The following CNKSR3 variants were observed in gnomAD, a reference collection of about 807,000 sequenced individuals.
The protein encoded by CNKSR3 is connector enhancer of kinase suppressor of ras 3.
A neutral mutation model predicts 67.7 loss-of-function variants in CNKSR3; 36 were observed. That is an observed-to-expected ratio of 0.53 (90% CI 0.41 to 0.70). The LOEUF (loss-of-function observed/expected upper bound fraction) is 0.70. CNKSR3 is among the 30% of genes least tolerant of loss of function. The probability of loss-of-function intolerance (pLI) is 0.00; values close to 1 mark genes in which losing one functional copy is unlikely to be tolerated. For missense variants in CNKSR3, 630 were observed against 695.2 expected (o/e 0.91, Z 1.05); for synonymous variants, 281 against 271.4 (o/e 1.04, Z -0.35).
intron 1 of CNKSR3, among the ~76,000 whole-genome samples, chr6:154,455,951 G>A (rs1323921796): frequency 6.6e-6 from 1 of 151,884 alleles, no homozygotes; most frequent in Non-Finnish European, 1.5e-5. Flanking sequence ...AGTGTAGAAA[G>A]GATTATATAC....
intron 1 of CNKSR3, among the ~76,000 whole-genome samples, chr6:154,505,984 G>T (rs181451568): frequency 6.6e-6 from 1 of 152,298 alleles, no homozygotes; most frequent in Admixed American, 6.5e-5. Flanking sequence ...TTTAAATCAA[G>T]CTTAGAGAAA....
chr6:154,422,789 G>C, intron 8 of CNKSR3, 126 bp downstream of exon 8: 2 of 1,157,064 alleles, frequency 1.7e-6, no homozygotes, highest in Non-Finnish European at 2.5e-6. Context: ...GTATGCTCAT[G>C]TTAGCACAAC....
chr6:154,443,322 C>A (rs1039056718), intron 2 of CNKSR3, among the ~76,000 whole-genome samples: 1 of 152,128 alleles, frequency 6.6e-6, no homozygotes, highest in Non-Finnish European at 1.5e-5. Flanking sequence ...GGCCAGATAA[C>A]GCTTGTGGGG....
rs1377951152 is a variant in CNKSR3 at position 154,400,632 on chromosome 6, A to G, written c.*5722T>C. 1.3e-5 allele frequency: 2 copies of G among 152,212 alleles called. No individual in the cohort carries two copies. Among genetic ancestry groups the G allele is most frequent in the African/African-American group, 4.8e-5 (2 of 41,456 alleles). The allele number at this position is 152,212 out of a possible 1,614,324, so 9.4% of individuals were successfully genotyped here. A position where few individuals can be genotyped will look rare whatever the true frequency, so the allele number is the denominator to read the frequency against. On this transcript the variant is annotated 3_prime_UTR_variant, in exon 13 of 13. Transcript: ENST00000607772. Reference sequence around the variant, plus strand: ...TAAGACAAACTTTTGAGTATAAAAAATTTGTCTTTTACATACACAAATGCA... The same window carrying G: ...TAAGACAAACTTTTGAGTATAAAAAGTTTGTCTTTTACATACACAAATGCA...
intron 1 of CNKSR3, among the ~76,000 whole-genome samples, chr6:154,493,435 G>A (rs1455931108): frequency 6.6e-6 from 1 of 152,130 alleles, no homozygotes; most frequent in Non-Finnish European, 1.5e-5. Flanking sequence ...TCAGCTCTCA[G>A]AACAGTGCAT....
chr6:154,428,938 T>A (rs1010796400), intron 6 of CNKSR3, among the ~76,000 whole-genome samples: 2 of 152,202 alleles, frequency 1.3e-5, no homozygotes, highest in African/African-American at 4.8e-5. Context: ...CAGACAAAGA[T>A]ATATGAACAA....
intron 1 of CNKSR3, among the ~76,000 whole-genome samples, chr6:154,489,338 C>T (rs898617662): frequency 1.3e-5 from 2 of 152,176 alleles, no homozygotes; most frequent in African/African-American, 4.8e-5. Context: ...CAAGACTAGT[C>T]TTGGTAACAC....
rs1231658117 is a variant in CNKSR3 at position 154,406,156 on chromosome 6, C to T, written c.*198G>A. 1.0e-5 allele frequency: 6 copies of T among 589,594 alleles called. No homozygotes were observed. Among genetic ancestry groups the T allele is most frequent in the African/African-American group, 9.3e-5 (5 of 53,724 alleles). 36.5% of individuals were successfully genotyped at this position (589,594 alleles called of 1,614,324 possible). On this transcript the variant is annotated 3_prime_UTR_variant, in exon 13 of 13. Transcript: ENST00000607772. Reference sequence around the variant, plus strand: ...TTTCCCTCCTTTTGTCTCCACAAGCCAGCACCTAAGATCCTCTGAATTTGT... The same window carrying T: ...TTTCCCTCCTTTTGTCTCCACAAGCTAGCACCTAAGATCCTCTGAATTTGT...
At chr6:154,481,644 G>A (rs1462452337) in intron 1 of CNKSR3, among the ~76,000 whole-genome samples, 2 of 152,152 alleles carry the variant, frequency 1.3e-5, no homozygotes, top group African/African-American at 4.8e-5. Flanking sequence ...TATGCTGTAT[G>A]ATTTTATGCA....
chr6:154,476,959 C>T (rs1427830559), intron 1 of CNKSR3, among the ~76,000 whole-genome samples: 1 of 152,194 alleles, frequency 6.6e-6, no homozygotes, highest in Non-Finnish European at 1.5e-5. Context: ...TTCATTCCCT[C>T]ATGGGCCCAG....
At chr6:154,423,833 C>G (rs1785197215) in intron 7 of CNKSR3, among the ~76,000 whole-genome samples, 1 of 152,154 alleles carries the variant, frequency 6.6e-6, no homozygotes, top group Non-Finnish European at 1.5e-5. Flanking sequence ...TTTTCATTTT[C>G]AGATTACATT....
At chr6:154,471,744 T>C (rs1786334084) in intron 1 of CNKSR3, among the ~76,000 whole-genome samples, 1 of 152,114 alleles carries the variant, frequency 6.6e-6, no homozygotes, top group Non-Finnish European at 1.5e-5. Flanking sequence ...GACACAGTAG[T>C]TCCCTGTCAC....
rs147961075 is a variant in CNKSR3, at chr6:154,441,046, C to T, written c.507+246G>A. 1.4e-3 allele frequency among the ~76,000 whole-genome samples: 215 copies of T among 151,684 alleles called. 1 individual carries two copies. Among genetic ancestry groups the T allele is most frequent in the African/African-American group, 4.6e-3 (192 of 41,360 alleles). On this transcript the variant is annotated intron_variant, in intron 4 of 12. Transcript: ENST00000607772. ...AGGGGAAGTACAGGAACTATTAGTT[C>T]GCCTATTTTAAAACACACACAAAAA... is the stretch of plus-strand genomic sequence containing the variant.
At chr6:154,418,068 C>T (rs1343546455) in intron 9 of CNKSR3, among the ~76,000 whole-genome samples, 1 of 152,116 alleles carries the variant, frequency 6.6e-6, no homozygotes, top group African/African-American at 2.4e-5. Flanking sequence ...GTCTCACTAC[C>T]GCCACTACCA....
intron 1 of CNKSR3, among the ~76,000 whole-genome samples, chr6:154,484,938 C>T (rs1292368674): frequency 6.6e-6 from 1 of 152,174 alleles, no homozygotes; most frequent in East Asian, 1.9e-4. Context: ...CTGCTACTGA[C>T]CTCCCTGTCT....
Position 154,402,645 on chromosome 6 carries a change from T to C in CNKSR3, c.*3709A>G, listed in dbSNP as rs1034924731. On this transcript the variant is annotated 3_prime_UTR_variant, in exon 13 of 13. Transcript: ENST00000607772. ...CCTCATAGATTTATTAGAAAGGTAT[T>C]AGAACAATGCCAGGCACACAGCAAG... 13 of 152,196 alleles carry C rather than the reference T, an allele frequency of 8.5e-5. No individual in the cohort carries two copies. The highest frequency in any genetic ancestry group is 3.1e-4 in the African/African-American group (13 of 41,452). 9.4% of individuals were successfully genotyped at this position (152,196 alleles called of 1,614,324 possible).
At chr6:154,504,038 T>C (rs112012592) in intron 1 of CNKSR3, among the ~76,000 whole-genome samples, 25 of 152,172 alleles carry the variant, frequency 1.6e-4, no homozygotes, top group Non-Finnish European at 1.5e-5. Flanking sequence ...AGCTTCTGCA[T>C]CTCTAACAAG....
At chr6:154,486,105 G>T (rs1786660121) in intron 1 of CNKSR3, among the ~76,000 whole-genome samples, 1 of 152,154 alleles carries the variant, frequency 6.6e-6, no homozygotes, top group Non-Finnish European at 1.5e-5. Flanking sequence ...TGGCCTTCAA[G>T]GGTGTGCCTT....
chr6:154,426,786 G>A (rs1204098010), intron 7 of CNKSR3, among the ~76,000 whole-genome samples: 1 of 152,178 alleles, frequency 6.6e-6, no homozygotes, highest in African/African-American at 2.4e-5. Context: ...AAAACACACT[G>A]GTCTGGTTAA....
Sources: gnomAD v4.1 joint callset for allele counts (sites outside exome capture counted in the v4.1 genomes callset) on GRCh38, gnomAD v4.1.1 for gene constraint, MANE v1.5 for transcripts, NCBI Gene and HGNC (gene_info 2026-07-23, HGNC 2026-07-21) for gene names.